Variants in QTMAN observed in about 807,000 individuals in gnomAD.
QTMAN encodes the protein queuosine-tRNA mannosyltransferase.
At chr2:144,320,513 A>T in the QTMAN span, among the ~76,000 whole-genome samples, 1 of 152,160 alleles carries the variant, frequency 6.6e-6, no homozygotes, top group African/African-American at 2.4e-5. Flanking sequence ...TTTTGCCTCA[A>T]TCCAAGGGGT....
the QTMAN span, among the ~76,000 whole-genome samples, chr2:144,012,580 A>G: frequency 1.9e-4 from 29 of 152,292 alleles, no homozygotes; most frequent in South Asian, 2.5e-3. Flanking sequence ...GTTGAATAGA[A>G]TATCATGGCT....
chr2:144,043,631 G>A, the QTMAN span, among the ~76,000 whole-genome samples: 1 of 135,572 alleles, frequency 7.4e-6, no homozygotes, highest in African/African-American at 3.3e-5. Context: ...AGACTCCGTC[G>A]CAAAAAAAAA....
At chr2:144,021,447 A>T in the QTMAN span, among the ~76,000 whole-genome samples, 2 of 152,194 alleles carry the variant, frequency 1.3e-5, no homozygotes, top group Non-Finnish European at 2.9e-5. Flanking sequence ...TCCCTATAAG[A>T]AAAAAGTAAA....
At chr2:144,253,525 T>G in the QTMAN span, among the ~76,000 whole-genome samples, 2 of 152,090 alleles carry the variant, frequency 1.3e-5, no homozygotes, top group Non-Finnish European at 2.9e-5. Flanking sequence ...GACAATGAAG[T>G]CCAGGTTGAG....
chr2:144,193,541 G>A, the QTMAN span, among the ~76,000 whole-genome samples: 19 of 150,798 alleles, frequency 1.3e-4, no homozygotes, highest in Non-Finnish European at 2.5e-4. Flanking sequence ...TGTGTAAAGA[G>A]AGAAGGTCTC....
chr2:144,222,575 G>A, the QTMAN span, among the ~76,000 whole-genome samples: 4 of 151,710 alleles, frequency 2.6e-5, no homozygotes, highest in African/African-American at 9.7e-5. Context: ...GAGAGGCCGA[G>A]GCGGGCGGAT....
chr2:143,965,088 C>T, the QTMAN span, among the ~76,000 whole-genome samples: 1 of 150,770 alleles, frequency 6.6e-6, no homozygotes, highest in Middle Eastern at 3.4e-3. Context: ...ATCTCAAGGG[C>T]TAACAATGTG....
At chr2:144,175,747 C>G in the QTMAN span, among the ~76,000 whole-genome samples, 1 of 152,112 alleles carries the variant, frequency 6.6e-6, no homozygotes, top group East Asian at 1.9e-4. Flanking sequence ...TCACTGCAAC[C>G]TCCACCTCCT....
At chr2:143,983,533 C>T in the QTMAN span, among the ~76,000 whole-genome samples, 3 of 130,852 alleles carry the variant, frequency 2.3e-5, no homozygotes, top group Non-Finnish European at 3.1e-5. Flanking sequence ...AGTGCAGTGG[C>T]GTGATCTCGG....
chr2:144,097,588 C>T, the QTMAN span, among the ~76,000 whole-genome samples: 6 of 152,092 alleles, frequency 3.9e-5, no homozygotes, highest in East Asian at 5.8e-4. Flanking sequence ...GGGGAGGGAA[C>T]GATCTTGATG....
At chr2:144,295,983 T>G in the QTMAN span, among the ~76,000 whole-genome samples, 1 of 152,184 alleles carries the variant, frequency 6.6e-6, no homozygotes, top group South Asian at 2.1e-4. Flanking sequence ...CAAAATAAAT[T>G]TATTTTTCAG....
chr2:144,217,986 C>T, the QTMAN span, among the ~76,000 whole-genome samples: 4 of 152,168 alleles, frequency 2.6e-5, no homozygotes, highest in Non-Finnish European at 4.4e-5. Context: ...TTAAGTTCCA[C>T]GGAGACACTT....
the QTMAN span, among the ~76,000 whole-genome samples, chr2:144,142,635 C>T: frequency 1.5e-3 from 230 of 152,038 alleles, 2 homozygotes; most frequent in Middle Eastern, 0.014. Flanking sequence ...TGGGACTACA[C>T]AGAAAGGATT....
At chr2:143,998,997 C>T in the QTMAN span, among the ~76,000 whole-genome samples, 86 of 143,466 alleles carry the variant, frequency 6.0e-4, no homozygotes, top group Admixed American at 2.7e-3. Flanking sequence ...GGTCAATTAC[C>T]AAACAGTCAC....
the QTMAN span, among the ~76,000 whole-genome samples, chr2:144,038,767 C>T: frequency 1.8e-4 from 28 of 152,020 alleles, no homozygotes; most frequent in Admixed American, 1.8e-3. Flanking sequence ...TGGATCCTAC[C>T]CCTCAATAGA....
At chr2:144,096,870 CACTG>C in the QTMAN span, among the ~76,000 whole-genome samples, 5 of 152,218 alleles carry the variant, frequency 3.3e-5, no homozygotes, top group Non-Finnish European at 2.9e-5. Flanking sequence ...CACAGCAGTG[CACTG>C]ACTGAGTTGG....
At chr2:144,307,187 T>TAAAAAAAAAAAAAAAAAAAAAAAAAAAAA in the QTMAN span, among the ~76,000 whole-genome samples, 1 of 78,844 alleles carries the variant, frequency 1.3e-5, no homozygotes, top group Non-Finnish European at 2.7e-5. Flanking sequence ...AAAAAAACAA[T>TAAAAAAAAAAAAAAAAAAAAAAAAAAAAA]TAAAAAAAAA....
the QTMAN span, chr2:143,943,711 G>A: frequency 6.6e-6 from 1 of 152,176 alleles, no homozygotes; most frequent in South Asian, 2.1e-4. Flanking sequence ...ATTGACTTAT[G>A]GATTCTGCCT....
chr2:144,153,612 A>C, the QTMAN span, among the ~76,000 whole-genome samples: 2 of 152,162 alleles, frequency 1.3e-5, no homozygotes, highest in Non-Finnish European at 2.9e-5. Flanking sequence ...AATGGCGTGA[A>C]CCCAGGAGGC....
Sources: gnomAD v4.1 joint callset for allele counts (sites outside exome capture counted in the v4.1 genomes callset) on GRCh38, gnomAD v4.1.1 for gene constraint, MANE v1.5 for transcripts, NCBI Gene and HGNC (gene_info 2026-07-23, HGNC 2026-07-21) for gene names.